IQCJ: variants seen among roughly 807,000 people sequenced by gnomAD.
IQCJ encodes IQ domain-containing protein J.
In IQCJ, 9 loss-of-function variants were observed where a neutral mutation model predicts 11.0. The ratio of observed to expected loss-of-function variants is 0.82; its 90% CI spans 0.49 to 1.43. The LOEUF (loss-of-function observed/expected upper bound fraction) is 1.43. Among genes scored for constraint, IQCJ ranks in the 40% most tolerant of loss-of-function variants. The pLI, the probability that IQCJ is intolerant of heterozygous loss-of-function variation, is 0.00. For synonymous variants in IQCJ, 55 were observed against 51.3 expected (o/e 1.07, Z -0.31); for missense variants, 146 against 133.2 (o/e 1.10, Z -0.47).
chr3:159,160,226 C>T (rs1015243036), intron 1 of IQCJ, among the ~76,000 whole-genome samples: 5 of 152,210 alleles, frequency 3.3e-5, no homozygotes, highest in African/African-American at 4.8e-5. Flanking sequence ...AACACTCACA[C>T]CTTCATCCGG....
At chr3:159,111,427 G>T (rs1240312460) in intron 1 of IQCJ, among the ~76,000 whole-genome samples, 1 of 152,014 alleles carries the variant, frequency 6.6e-6, no homozygotes, top group Non-Finnish European at 1.5e-5. Flanking sequence ...TAAGTTGACC[G>T]GTATTTCTCA....
intron 1 of IQCJ, among the ~76,000 whole-genome samples, chr3:159,117,164 A>G (rs4679854): frequency 0.28 from 42,956 of 152,082 alleles, 7,173 homozygotes; most frequent in Non-Finnish European, 0.39. Context: ...TAAAGCCCAC[A>G]TGAATGTCAC....
At chr3:159,229,282 A>ACT (rs1387532330) in intron 1 of IQCJ, among the ~76,000 whole-genome samples, 7 of 152,048 alleles carry the variant, frequency 4.6e-5, no homozygotes, top group Admixed American at 4.6e-4. Context: ...ACATGGGTCC[A>ACT]CTCTTAGCCT....
chr3:159,186,752 G>T (rs1335240425), intron 1 of IQCJ, among the ~76,000 whole-genome samples: 3 of 152,208 alleles, frequency 2.0e-5, no homozygotes, highest in Admixed American at 2.0e-4. Context: ...GTCTAGCAAG[G>T]TGCAGTTAAT....
intron 1 of IQCJ, among the ~76,000 whole-genome samples, chr3:159,152,148 C>G (rs59482212): frequency 0.039 from 5,985 of 152,186 alleles, 400 homozygotes; most frequent in African/African-American, 0.14. Context: ...CTCCAGGACC[C>G]ACCATCTGAT....
chr3:159,162,546 T>A (rs541037842), intron 1 of IQCJ, among the ~76,000 whole-genome samples: 1 of 152,302 alleles, frequency 6.6e-6, no homozygotes, highest in South Asian at 2.1e-4. Flanking sequence ...CTAATTGCCC[T>A]GGGCAGCACT....
At chr3:159,250,554 G>A (rs894689098) in intron 2 of IQCJ, among the ~76,000 whole-genome samples, 2 of 152,130 alleles carry the variant, frequency 1.3e-5, no homozygotes, top group African/African-American at 2.4e-5. Flanking sequence ...GGCTGGGGGC[G>A]CCTCAGGAAA....
intron 1 of IQCJ, among the ~76,000 whole-genome samples, chr3:159,109,353 A>G (rs1290622003): frequency 6.6e-6 from 1 of 152,166 alleles, no homozygotes; most frequent in Non-Finnish European, 1.5e-5. Flanking sequence ...CACACAGCCC[A>G]CAAGAGTTAC....
chr3:159,129,009 A>T (rs1333964744), intron 1 of IQCJ, among the ~76,000 whole-genome samples: 1 of 152,132 alleles, frequency 6.6e-6, no homozygotes, highest in African/African-American at 2.4e-5. Context: ...ACTGCTAAAA[A>T]CAACCACGCA....
chr3:159,076,204 CTA>C (rs1007351752), intron 1 of IQCJ, among the ~76,000 whole-genome samples: 3 of 151,250 alleles, frequency 2.0e-5, no homozygotes, highest in African/African-American at 7.3e-5. Flanking sequence ...CCTCACCTAA[CTA>C]TATCACTCTT....
At chr3:159,121,836 T>G (rs1458590560) in intron 1 of IQCJ, among the ~76,000 whole-genome samples, 1 of 152,194 alleles carries the variant, frequency 6.6e-6, no homozygotes, top group Non-Finnish European at 1.5e-5. Flanking sequence ...TATTCTGGAT[T>G]CCCTAATATT....
intron 1 of IQCJ, among the ~76,000 whole-genome samples, chr3:159,231,335 G>C (rs1726235299): frequency 1.3e-5 from 2 of 152,154 alleles, no homozygotes; most frequent in African/African-American, 4.8e-5. Context: ...TATGTGTTCA[G>C]TGAAAATACA....
intron 1 of IQCJ, among the ~76,000 whole-genome samples, chr3:159,072,051 T>C (rs1715598844): frequency 6.6e-6 from 1 of 152,152 alleles, no homozygotes; most frequent in Non-Finnish European, 1.5e-5. Context: ...AGCTGGCTTC[T>C]AGCTTTGGGA....
chr3:159,244,786 G>C (rs973039216), intron 1 of IQCJ, among the ~76,000 whole-genome samples: 3 of 152,132 alleles, frequency 2.0e-5, no homozygotes, highest in Non-Finnish European at 4.4e-5. Context: ...TGTCTGGTGG[G>C]TTATAATCAT....
intron 1 of IQCJ, among the ~76,000 whole-genome samples, chr3:159,114,159 C>A (rs532559740): frequency 6.6e-6 from 1 of 152,138 alleles, no homozygotes; most frequent in Admixed American, 6.5e-5. Context: ...AAGCTGACCT[C>A]GCATTGTCTG....
chr3:159,261,560 C>G (rs1181849781), intron 3 of IQCJ, among the ~76,000 whole-genome samples: 2 of 152,140 alleles, frequency 1.3e-5, no homozygotes, highest in African/African-American at 4.8e-5. Flanking sequence ...TGGGGCTTCC[C>G]CCTTTACTCA....
rs190384541 is a variant in IQCJ, at chr3:159,218,700, G to A, written c.10-27143G>A. 1.1e-3 allele frequency among the ~76,000 whole-genome samples: 167 copies of A among 152,238 alleles called. 1 individual carries two copies. Among genetic ancestry groups the A allele is most frequent in the Non-Finnish European group, 1.6e-3 (110 of 67,990 alleles). ...AAAGCAGGAAGAATTTTCTACTTCA[G>A]ATTTCATTTGGGGGCTGTTTGGAGT... On this transcript the variant is annotated intron_variant, in intron 1 of 3. Coordinates refer to ENST00000397832, the MANE Select transcript of IQCJ (RefSeq NM_001042706.3).
intron 1 of IQCJ, among the ~76,000 whole-genome samples, chr3:159,117,915 T>C (rs140687258): frequency 6.6e-4 from 101 of 152,292 alleles, no homozygotes; most frequent in African/African-American, 2.3e-3. Context: ...ACATGCATCA[T>C]TTCACTTAAT....
At chr3:159,121,693 A>G (rs1344596727) in intron 1 of IQCJ, among the ~76,000 whole-genome samples, 4 of 152,192 alleles carry the variant, frequency 2.6e-5, no homozygotes, top group African/African-American at 9.6e-5. Flanking sequence ...GTTAACTATC[A>G]TAGAAGCCTT....
Sources: allele counts gnomAD v4.1 joint callset (sites outside exome capture counted in the v4.1 genomes callset), GRCh38; gene constraint gnomAD v4.1.1; transcripts MANE v1.5; gene names NCBI Gene and HGNC (gene_info 2026-07-23, HGNC 2026-07-21).